The following ASIC2 variants were observed in gnomAD, a reference collection of about 807,000 sequenced individuals.
ASIC2 encodes acid sensing ion channel subunit 2.
ASIC2 carries 25 observed loss-of-function variants against 57.3 expected under a neutral mutation model. That is an observed-to-expected ratio of 0.44 (90% CI 0.32 to 0.61). The LOEUF (loss-of-function observed/expected upper bound fraction) is 0.61. Among genes scored for constraint, ASIC2 ranks in the 20% least tolerant of loss-of-function variants. ASIC2 has a pLI of 0.06. For missense variants in ASIC2, 641 were observed against 738.1 expected (o/e 0.87, Z 1.52); for synonymous variants, 319 against 307.5 (o/e 1.04, Z -0.39).
intron 1 of ASIC2, among the ~76,000 whole-genome samples, chr17:34,120,798 G>C (rs1454101057): frequency 2.1e-5 from 3 of 140,974 alleles, no homozygotes; most frequent in Non-Finnish European, 4.5e-5. Context: ...GAGTACAATG[G>C]CACCATCTCG....
intron 1 of ASIC2, among the ~76,000 whole-genome samples, chr17:33,152,178 C>T (rs937981521): frequency 1.3e-5 from 2 of 152,076 alleles, no homozygotes; most frequent in African/African-American, 2.4e-5. Flanking sequence ...GGAGGTTCAA[C>T]GTCTTACAGA....
chr17:33,811,538 C>T (rs949802398), intron 1 of ASIC2, among the ~76,000 whole-genome samples: 3 of 152,170 alleles, frequency 2.0e-5, no homozygotes, highest in African/African-American at 4.8e-5. Flanking sequence ...ACTTGCTACT[C>T]GTGATGTTTC....
At chr17:33,127,246 T>A (rs1477224285) in intron 1 of ASIC2, among the ~76,000 whole-genome samples, 1 of 152,178 alleles carries the variant, frequency 6.6e-6, no homozygotes, top group African/African-American at 2.4e-5. Context: ...CTCAACGTCA[T>A]GCAGCAAGTC....
intron 2 of ASIC2, among the ~76,000 whole-genome samples, chr17:33,105,021 ATTGTGT>A (rs1167890677): frequency 6.6e-6 from 1 of 152,182 alleles, no homozygotes; most frequent in Non-Finnish European, 1.5e-5. Flanking sequence ...CAATTTCAGC[ATTGTGT>A]TTCCTCTCAA....
At chr17:33,043,185 A>G (rs911015102) in intron 3 of ASIC2, among the ~76,000 whole-genome samples, 1 of 152,156 alleles carries the variant, frequency 6.6e-6, no homozygotes, top group Non-Finnish European at 1.5e-5. Context: ...TCGGCCTCCT[A>G]AAGTGCTGGG....
chr17:34,046,958 G>A (rs1908362004), intron 1 of ASIC2, among the ~76,000 whole-genome samples: 2 of 152,082 alleles, frequency 1.3e-5, no homozygotes, highest in African/African-American at 4.8e-5. Flanking sequence ...AACTCTCCAT[G>A]CCAGCCATTG....
chr17:33,172,559 G>C (rs1228695641), intron 1 of ASIC2, among the ~76,000 whole-genome samples: 1 of 152,172 alleles, frequency 6.6e-6, no homozygotes. Flanking sequence ...CAGGCCCTCT[G>C]GACAGCCACC....
At chr17:33,261,234 A>G (rs1001188312) in intron 1 of ASIC2, among the ~76,000 whole-genome samples, 12 of 152,172 alleles carry the variant, frequency 7.9e-5, no homozygotes, top group Non-Finnish European at 1.2e-4. Flanking sequence ...CAGAATTTCC[A>G]CCTACGCTCT....
At chr17:33,087,595 T>TTTTTTTTG (rs2092139817) in intron 3 of ASIC2, among the ~76,000 whole-genome samples, 1 of 147,762 alleles carries the variant, frequency 6.8e-6, no homozygotes, top group African/African-American at 2.6e-5. Context: ...TTTTTTTTTT[T>TTTTTTTTG]GAGACAGGGT....
At chr17:33,500,419 A>G (rs1914065804) in intron 1 of ASIC2, among the ~76,000 whole-genome samples, 1 of 152,202 alleles carries the variant, frequency 6.6e-6, no homozygotes, top group African/African-American at 2.4e-5. Flanking sequence ...GATCATCACA[A>G]TGGCCCATGG....
At chr17:33,552,405 C>A (rs1473843917) in intron 1 of ASIC2, among the ~76,000 whole-genome samples, 1 of 152,162 alleles carries the variant, frequency 6.6e-6, no homozygotes, top group Non-Finnish European at 1.5e-5. Flanking sequence ...ACACAAAAGA[C>A]CTTTGCCAAC....
At chr17:33,774,295 C>CA (rs1193958909) in intron 1 of ASIC2, among the ~76,000 whole-genome samples, 3 of 152,170 alleles carry the variant, frequency 2.0e-5, no homozygotes, top group Non-Finnish European at 4.4e-5. Flanking sequence ...TAATGGATTT[C>CA]ACCCAAAGGC....
intron 1 of ASIC2, among the ~76,000 whole-genome samples, chr17:33,332,368 T>A (rs1418839011): frequency 6.6e-6 from 1 of 152,230 alleles, no homozygotes; most frequent in Admixed American, 6.5e-5. Flanking sequence ...GACAAAATAA[T>A]AACATTTCAA....
At chr17:33,496,144 A>T (rs1407410316) in intron 1 of ASIC2, among the ~76,000 whole-genome samples, 1 of 152,224 alleles carries the variant, frequency 6.6e-6, no homozygotes, top group African/African-American at 2.4e-5. Flanking sequence ...AATTGATATA[A>T]GGGTAGGAAA....
At chr17:33,546,117 A>ATATATGTATATATATATACACATATG (rs1915566940) in intron 1 of ASIC2, among the ~76,000 whole-genome samples, 1 of 150,458 alleles carries the variant, frequency 6.6e-6, no homozygotes, top group Non-Finnish European at 1.5e-5. Flanking sequence ...ATGTGCATAT[A>ATATATGTATATATATATACACATATG]TATATGTAAA....
chr17:33,368,255 G>A (rs1171269809), intron 1 of ASIC2, among the ~76,000 whole-genome samples: 1 of 152,222 alleles, frequency 6.6e-6, no homozygotes, highest in Non-Finnish European at 1.5e-5. Context: ...GAGCTGACAT[G>A]TAAGAAGTCT....
intron 1 of ASIC2, among the ~76,000 whole-genome samples, chr17:33,390,050 C>T (rs533180631): frequency 2.0e-4 from 30 of 152,124 alleles, no homozygotes; most frequent in African/African-American, 6.5e-4. Context: ...TGGTGGTTCA[C>T]GTCTGTAATT....
At chr17:34,038,374 G>T in intron 1 of ASIC2, 1 of 1,611,406 alleles carries the variant, frequency 6.2e-7, no homozygotes, top group Non-Finnish European at 8.5e-7. Flanking sequence ...TTCTGGGATG[G>T]TCCAGCTCTT....
intron 1 of ASIC2, among the ~76,000 whole-genome samples, chr17:33,375,762 C>T (rs1362759522): frequency 6.6e-6 from 1 of 152,094 alleles, no homozygotes; most frequent in Non-Finnish European, 1.5e-5. Context: ...GAGCTATTTG[C>T]TAATGGAGGT....
Sources: gnomAD v4.1 joint callset for allele counts (sites outside exome capture counted in the v4.1 genomes callset) on GRCh38, gnomAD v4.1.1 for gene constraint, MANE v1.5 for transcripts, NCBI Gene and HGNC (gene_info 2026-07-23, HGNC 2026-07-21) for gene names.